The following ELMO1 variants were observed in gnomAD, a reference collection of about 807,000 sequenced individuals.
The protein encoded by ELMO1 is engulfment and cell motility 1, also known as engulfment and cell motility protein 1.
Under a neutral mutation model 98.9 loss-of-function variants are expected in ELMO1, and 26 were observed. That is an observed-to-expected ratio of 0.26 (90% CI 0.19 to 0.36). The LOEUF (loss-of-function observed/expected upper bound fraction) is 0.36. Ranked by LOEUF, ELMO1 falls within the 10% of genes least tolerant of loss-of-function variation. The probability of loss-of-function intolerance (pLI) is 1.00; values close to 1 mark genes in which losing one functional copy is unlikely to be tolerated. For missense variants in ELMO1, 627 were observed against 935.2 expected, an observed-to-expected ratio of 0.67 and a Z score of 4.30; for synonymous variants, 346 against 346.0, an observed-to-expected ratio of 1.00 and a Z score of 0.00.
intron 13 of ELMO1, among the ~76,000 whole-genome samples, chr7:37,144,295 T>C (rs1028983291): frequency 2.6e-5 from 4 of 152,146 alleles, no homozygotes; most frequent in African/African-American, 9.7e-5. Context: ...TCAGCTTTCC[T>C]TTTTTGGTTT....
At chr7:36,879,098 A>G (rs1419796677) in intron 18 of ELMO1, among the ~76,000 whole-genome samples, 1 of 152,212 alleles carries the variant, frequency 6.6e-6, no homozygotes, top group Non-Finnish European at 1.5e-5. Flanking sequence ...TACAGACCCT[A>G]GGTAAGTAAC....
At chr7:36,993,246 T>A (rs967403368) in intron 16 of ELMO1, among the ~76,000 whole-genome samples, 58 of 151,952 alleles carry the variant, frequency 3.8e-4, no homozygotes, top group African/African-American at 1.4e-3. Context: ...GCCCAATGAG[T>A]CACCATATGA....
chr7:37,272,010 A>G (rs1405440315), intron 4 of ELMO1, 128 bp from the exon 5 acceptor site: 1 of 762,854 alleles, frequency 1.3e-6, no homozygotes, highest in East Asian at 2.7e-5. Flanking sequence ...ATTTTTAATT[A>G]TTTCTATAAA....
intron 16 of ELMO1, among the ~76,000 whole-genome samples, chr7:36,940,194 C>A (rs974679566): frequency 1.3e-5 from 2 of 152,176 alleles, no homozygotes; most frequent in African/African-American, 4.8e-5. Context: ...GAGAACCTTG[C>A]CTAAATTGGC....
At chr7:37,375,606 C>A in intron 1 of ELMO1, 1 of 1,133,506 alleles carries the variant, frequency 8.8e-7, no homozygotes. Flanking sequence ...GGATGTCCCC[C>A]ATGCCTAAGC....
At chr7:37,305,051 A>G (rs1469165906) in intron 4 of ELMO1, among the ~76,000 whole-genome samples, 1 of 152,198 alleles carries the variant, frequency 6.6e-6, no homozygotes, top group Non-Finnish European at 1.5e-5. Flanking sequence ...CAGAAGCTCT[A>G]AAGTTTTGTA....
intron 7 of ELMO1, among the ~76,000 whole-genome samples, chr7:37,243,882 G>A (rs1370042627): frequency 6.6e-6 from 1 of 152,146 alleles, no homozygotes; most frequent in Non-Finnish European, 1.5e-5. Context: ...TTCATAGATA[G>A]GTGATCGAGC....
At chr7:37,147,724 C>T (rs1788076412) in intron 13 of ELMO1, among the ~76,000 whole-genome samples, 1 of 152,006 alleles carries the variant, frequency 6.6e-6, no homozygotes, top group Non-Finnish European at 1.5e-5. Context: ...GATGCACAGT[C>T]TGCAGGCCAC....
chr7:37,314,749 T>G, intron 4 of ELMO1, 101 bp downstream of exon 4: 1 of 1,108,926 alleles, frequency 9.0e-7, no homozygotes, highest in East Asian at 2.6e-5. Context: ...AGTAGAGACC[T>G]AAAATTTAGA....
At chr7:37,261,491 C>T (rs1377785128) in intron 5 of ELMO1, among the ~76,000 whole-genome samples, 84 of 152,322 alleles carry the variant, frequency 5.5e-4, no homozygotes, top group Non-Finnish European at 3.8e-4. Flanking sequence ...TAACAAGCCC[C>T]TAAGTGTTGC....
chr7:37,273,629 C>T (rs2130865415), intron 4 of ELMO1, among the ~76,000 whole-genome samples: 1 of 152,300 alleles, frequency 6.6e-6, no homozygotes, highest in East Asian at 1.9e-4. Flanking sequence ...TTATTTTCTT[C>T]CAGCAGAGTA....
chr7:36,912,275 G>A (rs992980918), intron 16 of ELMO1, among the ~76,000 whole-genome samples: 1 of 152,176 alleles, frequency 6.6e-6, no homozygotes, highest in Non-Finnish European at 1.5e-5. Flanking sequence ...ACTATAGAGG[G>A]TTTGTCAGTG....
In ELMO1 at chr7:36,870,240, G is replaced by A. The variant is rs113930012; in HGVS notation, c.1905+153C>T. On this transcript the variant is annotated intron_variant, in intron 20 of 21. Coordinates refer to ENST00000310758, the MANE Select transcript of ELMO1 (RefSeq NM_014800.11). The surrounding 1 kb of genome is among the most constrained non-coding windows in gnomAD (Gnocchi z 4.4). The stretch of plus-strand genomic sequence containing the variant: ...AAGAATAAGGGTAAGAGACGTAAAA[G>A]GAATCGGGACAGGAAACAGGAGAGC... 2.1e-3 allele frequency among the ~76,000 whole-genome samples: 323 copies of A among 152,226 alleles called. No homozygotes were observed. The highest frequency in any genetic ancestry group is 7.5e-3 in the African/African-American group (313 of 41,528).
At chr7:37,217,974 G>A (rs376019636) in intron 10 of ELMO1, among the ~76,000 whole-genome samples, 37 of 152,252 alleles carry the variant, frequency 2.4e-4, no homozygotes, top group African/African-American at 8.7e-4. Context: ...AAACAAGAAA[G>A]CAGGAGCAAT....
intron 16 of ELMO1, among the ~76,000 whole-genome samples, chr7:36,988,856 C>A (rs1791682351): frequency 6.6e-6 from 1 of 152,188 alleles, no homozygotes; most frequent in African/African-American, 2.4e-5. Flanking sequence ...GGTTCTTATC[C>A]TACAAGCAAT....
At position 36,855,400 on chromosome 7, in the gene ELMO1, T is replaced by C. The variant is rs570043981; in HGVS notation, c.*151A>G. 8.4e-6 allele frequency: 8 copies of C among 955,356 alleles called. No homozygotes were observed. The highest frequency in any genetic ancestry group is 1.6e-5 in the South Asian group (1 of 62,856). The allele number at this position is 955,356 out of a possible 1,614,324, so 59.2% of individuals were successfully genotyped here. A position where few individuals can be genotyped will look rare whatever the true frequency, so the allele number is the denominator to read the frequency against. On this transcript the variant is annotated 3_prime_UTR_variant, in exon 22 of 22. Transcript: ENST00000310758. The surrounding 1 kb of genome is among the most constrained non-coding windows in gnomAD (Gnocchi z 4.2). ...CAAGATGCCAGCTAGGGGCTGAAAG[T>C]TGCCAGGGCTAGAGGTGATGCTGAA...
chr7:37,078,582 C>G (rs1040278906), intron 15 of ELMO1, among the ~76,000 whole-genome samples: 2 of 152,110 alleles, frequency 1.3e-5, no homozygotes, highest in Non-Finnish European at 2.9e-5. Context: ...AATGCTTCAG[C>G]CTTTCTAGGG....
chr7:36,965,355 G>C (rs1031367385), intron 16 of ELMO1, among the ~76,000 whole-genome samples: 2 of 152,194 alleles, frequency 1.3e-5, no homozygotes, highest in African/African-American at 4.8e-5. Context: ...TGTTCCAGCA[G>C]AGAATGAATG....
At chr7:37,084,623 T>A (rs1783664978) in intron 15 of ELMO1, among the ~76,000 whole-genome samples, 1 of 152,212 alleles carries the variant, frequency 6.6e-6, no homozygotes, top group Non-Finnish European at 1.5e-5. Context: ...CATCTCAGGT[T>A]CCTTATTTGT....
Sources: gnomAD v4.1 joint callset for allele counts (sites outside exome capture counted in the v4.1 genomes callset) on GRCh38, gnomAD v4.1.1 for gene constraint, Gnocchi (gnomAD v3.1) non-coding constraint, MANE v1.5 for transcripts, NCBI Gene and HGNC (gene_info 2026-07-23, HGNC 2026-07-21) for gene names.